WSB2: variants seen among roughly 807,000 people sequenced by gnomAD.
WSB2 encodes the protein WD repeat and SOCS box-containing protein 2.
A neutral mutation model predicts 48.8 loss-of-function variants in WSB2; 12 were observed. The observed-to-expected ratio is 0.25, with a 90% CI of 0.16 to 0.40. The LOEUF is 0.40. Ranked by LOEUF, WSB2 falls within the 10% of genes least tolerant of loss-of-function variation. WSB2 has a pLI of 1.00. For missense variants in WSB2, 317 were observed against 506.2 expected, an observed-to-expected ratio of 0.63 and a Z score of 3.59; for synonymous variants, 191 against 203.1, an observed-to-expected ratio of 0.94 and a Z score of 0.51.
chr12:118,052,305 C>G lies in WSB2; in HGVS notation c.182+5G>C, dbSNP rs376973021. 1 of 1,613,630 alleles carries G rather than the reference C, an allele frequency of 6.2e-7. No homozygotes were observed. The highest frequency in any genetic ancestry group is 1.1e-5 in the South Asian group (1 of 91,076). On this transcript the variant is annotated splice_donor_5th_base_variant and intron_variant, in intron 2 of 8. Coordinates refer to ENST00000315436, the MANE Select transcript of WSB2 (RefSeq NM_018639.5). ...CGGATGGGGCCCCAGTACGAGAATACTTACAACTGCTCCTCCAACGGCCAG... is the reference window on the plus strand; with the variant it reads ...CGGATGGGGCCCCAGTACGAGAATAGTTACAACTGCTCCTCCAACGGCCAG...
rs549161277 is a variant in WSB2 at position 118,046,162 on chromosome 12, T to C, written c.183-2785A>G. Among the ~76,000 whole-genome samples, 41 of 152,250 alleles carry C rather than the reference T, an allele frequency of 2.7e-4. 1 individual carries two copies. The highest frequency in any genetic ancestry group is 9.9e-4 in the African/African-American group (41 of 41,560). The stretch of plus-strand genomic sequence containing the variant: ...ACCTTATGGCCCACAAAGCCTAAAC[T>C]ATTTATAGAAAAAGTTGGCCAGGTA... On this transcript the variant is annotated intron_variant, in intron 2 of 8. Transcript: ENST00000315436.
At chr12:118,041,168 C>T (rs1413226105) in intron 4 of WSB2, among the ~76,000 whole-genome samples, 1 of 152,170 alleles carries the variant, frequency 6.6e-6, no homozygotes. Flanking sequence ...ACTAAATGTG[C>T]CCCCCACACA....
intron 4 of WSB2, chr12:118,042,574 C>A: frequency 2.5e-6 from 1 of 400,142 alleles, no homozygotes; most frequent in East Asian, 5.2e-5. Flanking sequence ...GCATTCAGCA[C>A]ATAAGTAGAT....
In WSB2 at chr12:118,040,420, G is replaced by A. The variant is rs78454468; in HGVS notation, c.560-2032C>T. On this transcript the variant is annotated intron_variant, in intron 4 of 8. Coordinates refer to ENST00000315436, the MANE Select transcript of WSB2 (RefSeq NM_018639.5). ...CCAGAGCCACTGCATGGACCTTCCT[G>A]AGATGGTGGCAAGCTGCCTCAGTAC... Among the ~76,000 whole-genome samples the A allele has an allele frequency of 1.7e-3, 258 of 152,180 alleles. 1 individual carries two copies. The highest frequency in any genetic ancestry group is 5.9e-3 in the African/African-American group (243 of 41,514).
At chr12:118,037,667 TAA>T (rs752087366) in intron 5 of WSB2, among the ~76,000 whole-genome samples, 7 of 123,502 alleles carry the variant, frequency 5.7e-5, no homozygotes, top group African/African-American at 8.8e-5. Flanking sequence ...AAACTCTGTC[TAA>T]AAAAAAAAAA....
At chr12:118,047,882 T>A (rs796404612) in intron 2 of WSB2, among the ~76,000 whole-genome samples, 3 of 152,324 alleles carry the variant, frequency 2.0e-5, no homozygotes, top group African/African-American at 7.2e-5. Flanking sequence ...AAATGTCTTT[T>A]AAAAACAAAT....
chr12:118,046,503 C>A (rs2031749771), intron 2 of WSB2, among the ~76,000 whole-genome samples: 1 of 151,568 alleles, frequency 6.6e-6, no homozygotes, highest in South Asian at 2.1e-4. Flanking sequence ...AATTTGTCAA[C>A]CTCTGGGTCT....
At chr12:118,039,817 C>G (rs2031591704) in intron 4 of WSB2, among the ~76,000 whole-genome samples, 1 of 151,544 alleles carries the variant, frequency 6.6e-6, no homozygotes. Context: ...GATCCCGGCT[C>G]ACTGCAACCT....
rs761537318 is a variant in WSB2 at position 118,052,458 on chromosome 12, C to T, written c.34G>A (p.Glu12Lys). ...TGGTGGGGGCGCCCGGGCTTGAGTT[C>T]GGCCAGCAGCAGCGGTTCCTCTGGG... Reference protein sequence around the residue: ...EAGEEPLLLAELKPGRPHQFD... With the variant: ...EAGEEPLLLAKLKPGRPHQFD... Residue 12 changes from glutamate (E) to lysine (K), a missense_variant, in exon 2 of 9, where the codon GAA becomes AAA. Coordinates refer to ENST00000315436, the MANE Select transcript of WSB2 (RefSeq NM_018639.5). 1.2e-6 allele frequency: 2 copies of T among 1,614,106 alleles called. No homozygotes were observed. The highest frequency in any genetic ancestry group is 1.1e-5 in the South Asian group (1 of 91,076).
Position 118,043,373 on chromosome 12 carries a change from G to C in WSB2, c.187C>G (p.Pro63Ala). The change falls in exon 3 of 9, where the codon CCT (proline) becomes GCT (alanine). Residue 63 changes from proline to alanine, a missense_variant. Physicochemically the swap from Pro to Ala is conservative, Grantham distance 27. Around this residue, in one of 2 missense-constraint regions of WSB2, gnomAD observed 128 missense variants for 156.7 expected, o/e 0.82. Transcript: ENST00000315436. ...IPWPLEEQFIPKGFEAKSRSS... is the reference protein window; with the variant it reads ...IPWPLEEQFIAKGFEAKSRSS... ...CGGCTTTTGGCTTCAAACCCTTTAGGGATGCTGGGAGAAGCAGAGATTTCT... is the reference window on the plus strand; with the variant it reads ...CGGCTTTTGGCTTCAAACCCTTTAGCGATGCTGGGAGAAGCAGAGATTTCT... 1 of 1,540,984 alleles carries C rather than the reference G, an allele frequency of 6.5e-7. No homozygotes were observed. The highest frequency in any genetic ancestry group is 1.3e-5 in the South Asian group (1 of 78,412).
At position 118,042,868 on chromosome 12, in the gene WSB2, G is replaced by C. The variant is rs756191937; in HGVS notation, c.532C>G (p.Leu178Val). 1 of 1,614,174 alleles carries C rather than the reference G, an allele frequency of 6.2e-7. No individual in the cohort carries two copies. The highest frequency in any genetic ancestry group is 1.7e-5 in the Admixed American group (1 of 60,014). ...TGTTTATTCAGGTCCCAGATGCGAA[G>C]AGTCTTATCCCGTGACGCGGAGACC... Reference protein sequence around the residue: ...ILVSASRDKTLRIWDLNKHGK... With the variant: ...ILVSASRDKTVRIWDLNKHGK... Residue 178 changes from leucine to valine, a missense_variant, in exon 4 of 9, where the codon CTT (leucine) becomes GTT (valine). Leu to Val is a conservative substitution (Grantham distance 32). This residue lies in a region of WSB2 where 189 missense variants were observed against 349.6 expected (regional missense o/e 0.54). Coordinates refer to ENST00000315436, the MANE Select transcript of WSB2 (RefSeq NM_018639.5).
intron 2 of WSB2, 50 bp from the exon 3 acceptor site, chr12:118,043,427 T>C: frequency 6.6e-7 from 1 of 1,513,244 alleles, no homozygotes; most frequent in Non-Finnish European, 8.8e-7. Flanking sequence ...TACCAGTCTA[T>C]CAACTTTTCA....
intron 1 of WSB2, among the ~76,000 whole-genome samples, chr12:118,059,219 AACATT>A (rs6144890): frequency 0.31 from 47,234 of 151,734 alleles, 8,157 homozygotes; most frequent in East Asian, 0.54. Context: ...AAAAATCTAA[AACATT>A]ACATTACAAT....
rs953508766 is a variant in WSB2 at position 118,050,770 on chromosome 12, G to A, written c.182+1540C>T. Among the ~76,000 whole-genome samples the A allele has an allele frequency of 5.9e-5, 9 of 152,126 alleles. No homozygotes were observed. In the South Asian group the frequency reaches 1.0e-3, roughly 18 times the overall value. ...CCAGTAAGCACCTGAAAAGATGCTC[G>A]GCCAGGTGTGGTGGCTCACACCTGT... On this transcript the variant is annotated intron_variant, in intron 2 of 8. Coordinates refer to ENST00000315436, the MANE Select transcript of WSB2 (RefSeq NM_018639.5).
chr12:118,047,074 A>T (rs1163876334), intron 2 of WSB2, among the ~76,000 whole-genome samples: 2 of 152,142 alleles, frequency 1.3e-5, no homozygotes, highest in Non-Finnish European at 2.9e-5. Flanking sequence ...ACCTGGCCCT[A>T]ATTTCTGTAT....
At chr12:118,056,991 C>A (rs911016076) in intron 1 of WSB2, among the ~76,000 whole-genome samples, 2 of 152,176 alleles carry the variant, frequency 1.3e-5, no homozygotes, top group Non-Finnish European at 2.9e-5. Context: ...ACAAGCCCTA[C>A]TCAGAATTCA....
chr12:118,051,086 C>T (rs917751447), intron 2 of WSB2, among the ~76,000 whole-genome samples: 2 of 151,700 alleles, frequency 1.3e-5, no homozygotes, highest in African/African-American at 2.4e-5. Context: ...AAAGAAAAGA[C>T]GCTTGACATC....
rs752087366 is a variant in WSB2 at position 118,037,667 on chromosome 12, T to TAA, written c.660+619_660+620dup. On this transcript the variant is annotated intron_variant, in intron 5 of 8. Transcript: ENST00000315436. Reference sequence around the variant, plus strand: ...TGGGCAACAACAGCGAAACTCTGTCTAAAAAAAAAAAAAAAGAAAAGAAAA... The same window carrying TAA: ...TGGGCAACAACAGCGAAACTCTGTCTAAAAAAAAAAAAAAAAAGAAAAGAAAA... Among the ~76,000 whole-genome samples the TAA allele has an allele frequency of 3.5e-4, 43 of 123,558 alleles. No individual in the cohort carries two copies. The South Asian group carries it at 4.0e-3, about 11-fold the overall frequency. 81.1% of individuals were successfully genotyped at this position (123,558 alleles called of 152,430 possible).
intron 4 of WSB2, among the ~76,000 whole-genome samples, chr12:118,041,273 C>A (rs1363810564): frequency 6.6e-6 from 1 of 151,996 alleles, no homozygotes; most frequent in Non-Finnish European, 1.5e-5. Flanking sequence ...GGGATTAGTG[C>A]CCTTAGAAGA....
Sources: allele counts gnomAD v4.1 joint callset (sites outside exome capture counted in the v4.1 genomes callset), GRCh38; gene constraint gnomAD v4.1.1; regional missense constraint gnomAD v4.1.1; transcripts MANE v1.5; gene names NCBI Gene and HGNC (gene_info 2026-07-23, HGNC 2026-07-21).